Variants in CHD9 observed in about 807,000 individuals in gnomAD.
CHD9 encodes ATP-dependent chromatin remodeler CHD9.
Under a neutral mutation model 316.1 loss-of-function variants are expected in CHD9, and 77 were observed. That is an observed-to-expected ratio of 0.24 (90% CI 0.20 to 0.29). The LOEUF is 0.29. Among genes scored for constraint, CHD9 ranks in the 10% least tolerant of loss-of-function variants. The pLI is 1.00. For synonymous variants in CHD9, 1,129 were observed against 1,158.3 expected (o/e 0.97, Z 0.51); for missense variants, 2,763 against 3,438.1 (o/e 0.80, Z 4.91).
At chr16:53,222,522 A>G in intron 3 of CHD9, 122 bp from the exon 4 acceptor site, 2 of 596,750 alleles carry the variant, frequency 3.4e-6, no homozygotes, top group Non-Finnish European at 6.1e-6. Context: ...GATGATTATC[A>G]TCCTTGGTTG....
In CHD9 at chr16:53,091,001, A is replaced by ACC. The variant is rs5816887; in HGVS notation, c.-165+35932_-165+35933dup. 6.8e-3 allele frequency among the ~76,000 whole-genome samples: 1,004 copies of ACC among 147,076 alleles called. 5 individuals carry two copies. The highest frequency in any genetic ancestry group is 0.01 in the Non-Finnish European group (690 of 66,146). On this transcript the variant is annotated intron_variant, in intron 1 of 38. Coordinates refer to ENST00000447540, the MANE Select transcript of CHD9 (RefSeq NM_001308319.2). Reference sequence around the variant, plus strand: ...GTGGTGTGGAGGATGGGAACAGCTCACCCCCCCCCGACTGACCGCGGTGAG... The same window carrying ACC: ...GTGGTGTGGAGGATGGGAACAGCTCACCCCCCCCCCCGACTGACCGCGGTGAG...
intron 1 of CHD9, among the ~76,000 whole-genome samples, chr16:53,072,041 C>G (rs1224804522): frequency 6.6e-6 from 1 of 152,158 alleles, no homozygotes; most frequent in African/African-American, 2.4e-5. Flanking sequence ...CATGCACACC[C>G]ACCTCTGTAT....
intron 22 of CHD9, among the ~76,000 whole-genome samples, chr16:53,268,715 G>T (rs893949105): frequency 2.0e-5 from 3 of 152,102 alleles, no homozygotes; most frequent in African/African-American, 7.2e-5. Flanking sequence ...ATAAGAATCT[G>T]CATTTTAACA....
At chr16:53,108,347 C>CA (rs2037536205) in intron 1 of CHD9, among the ~76,000 whole-genome samples, 1 of 131,458 alleles carries the variant, frequency 7.6e-6, no homozygotes, top group Non-Finnish European at 1.8e-5. Flanking sequence ...ACAAAAAATA[C>CA]AAAAAAATTT....
intron 2 of CHD9, among the ~76,000 whole-genome samples, chr16:53,164,413 A>G (rs913875426): frequency 6.6e-6 from 1 of 151,954 alleles, no homozygotes; most frequent in Non-Finnish European, 1.5e-5. Flanking sequence ...TGACTGTACA[A>G]ATATATATTT....
intron 1 of CHD9, among the ~76,000 whole-genome samples, chr16:53,081,939 A>T (rs778201165): frequency 1.8e-4 from 27 of 152,310 alleles, no homozygotes; most frequent in Admixed American, 9.2e-4. Flanking sequence ...AACAATATTT[A>T]AAAAAGTCTA....
chr16:53,107,459 C>CAAAAT (rs56705665), intron 1 of CHD9, among the ~76,000 whole-genome samples: 43,859 of 128,982 alleles, frequency 0.34, 8,534 homozygotes, highest in East Asian at 0.59. Flanking sequence ...CACTCCATCT[C>CAAAAT]AAAATAAAAT....
In CHD9 at chr16:53,249,945, C is replaced by G. The variant is rs761610127; in HGVS notation, c.3740C>G (p.Pro1247Arg). 3 of 1,613,688 alleles carry G rather than the reference C, an allele frequency of 1.9e-6. No individual in the cohort carries two copies. The highest frequency in any genetic ancestry group is 1.1e-5 in the South Asian group (1 of 91,084). ...GCTGCTATAGATAGATTTAGTAAAC[C>G]TGATTCAGATAGATTTGTTTTTCTC... ...RQAAIDRFSK[P>R]DSDRFVFLLC... The change falls in exon 17 of 39, where the codon CCT becomes CGT. Residue 1247 changes from proline to arginine, a missense_variant. Transcript: ENST00000447540.
intron 24 of CHD9, among the ~76,000 whole-genome samples, chr16:53,278,612 A>C (rs2153026597): frequency 6.6e-6 from 1 of 152,282 alleles, no homozygotes; most frequent in South Asian, 2.1e-4. Context: ...CAATCTACTT[A>C]TCTGACAAAG....
At position 53,181,864 on chromosome 16, in the gene CHD9, A is replaced by G. The variant is rs372087221; in HGVS notation, c.1452+24323A>G. Among the ~76,000 whole-genome samples the G allele has an allele frequency of 7.2e-5, 11 of 152,244 alleles. No homozygotes were observed. The South Asian group carries it at 1.7e-3, about 23-fold the overall frequency. On this transcript the variant is annotated intron_variant, in intron 2 of 38. Transcript: ENST00000447540. The stretch of plus-strand genomic sequence containing the variant: ...GGAGGCCGAGCTGGGCGAATCACCT[A>G]GGGTCAAGAGTTTGAGACCAGCCTG...
intron 2 of CHD9, among the ~76,000 whole-genome samples, chr16:53,170,117 C>A (rs1256531927): frequency 6.7e-6 from 1 of 150,184 alleles, no homozygotes; most frequent in Non-Finnish European, 1.5e-5. Flanking sequence ...CACATTAAGA[C>A]ACATGATATT....
intron 24 of CHD9, among the ~76,000 whole-genome samples, chr16:53,281,554 C>CA (rs2053417696): frequency 6.6e-6 from 1 of 152,120 alleles, no homozygotes; most frequent in Non-Finnish European, 1.5e-5. Context: ...ATTTCTAAAG[C>CA]AAAAATCAGG....
chr16:53,101,273 CT>C (rs1012377760), intron 1 of CHD9, among the ~76,000 whole-genome samples: 199 of 124,866 alleles, frequency 1.6e-3, no homozygotes, highest in South Asian at 2.3e-3. Flanking sequence ...TTTTCCTTTT[CT>C]TTTTTTTTTT....
chr16:53,229,482 A>C (rs907813734), intron 8 of CHD9, among the ~76,000 whole-genome samples: 4 of 152,234 alleles, frequency 2.6e-5, no homozygotes, highest in African/African-American at 9.6e-5. Context: ...TTTCTATACT[A>C]GCTTCATGTA....
In CHD9 at chr16:53,304,555, TTCC is replaced by T. The variant is rs748852783; in HGVS notation, c.6564_6566del (p.Ser2193del). On this transcript the variant is annotated inframe_deletion, in exon 31 of 39. Coordinates refer to ENST00000447540, the MANE Select transcript of CHD9 (RefSeq NM_001308319.2). ...CTTCTTCATCCTCTTCCTCCACCTC[TTCC>T]TCCTCCTCCTCCTCTTCATCTTCAT... 444 of 1,538,372 alleles carry T rather than the reference TTCC, an allele frequency of 2.9e-4. No individual in the cohort carries two copies. Among genetic ancestry groups the T allele is most frequent in the Middle Eastern group, 8.3e-4 (5 of 5,996 alleles).
Position 53,267,293 on chromosome 16 carries a change from GA to G in CHD9, c.4322del (p.Asn1441ThrfsTer63). 6.3e-7 allele frequency: 1 copy of G among 1,598,776 alleles called. No individual in the cohort carries two copies. The highest frequency in any genetic ancestry group is 8.5e-7 in the Non-Finnish European group (1 of 1,172,094). On this transcript the variant is annotated frameshift_variant and splice_region_variant, in exon 21 of 39. Coordinates refer to ENST00000447540, the MANE Select transcript of CHD9 (RefSeq NM_001308319.2). LOFTEE classifies it high-confidence loss of function. ...EIDIEAISGR[N>X]SLVIDTPRIR... ...CAGGTAATAGCAGTTCTGTTTTACA[GA>G]ACAGCTTGGTTATTGACACTCCAAG... is the stretch of plus-strand genomic sequence containing the variant.
intron 1 of CHD9, among the ~76,000 whole-genome samples, chr16:53,139,374 A>C (rs2039939054): frequency 6.6e-6 from 1 of 152,228 alleles, no homozygotes; most frequent in Non-Finnish European, 1.5e-5. Flanking sequence ...TGTATTAATA[A>C]GGTGCTAATC....
chr16:53,166,859 A>G lies in CHD9; in HGVS notation c.1452+9318A>G, dbSNP rs555626715. 5.3e-5 allele frequency among the ~76,000 whole-genome samples: 8 copies of G among 152,282 alleles called. No individual in the cohort carries two copies. In the East Asian group the frequency reaches 9.6e-4, roughly 18 times the overall value. ...AATCTTTGAGAGCTGTTTTTCCTAC[A>G]TAAGTATGTGTTTGTATGCCTGAAA... On this transcript the variant is annotated intron_variant, in intron 2 of 38. Transcript: ENST00000447540.
chr16:53,073,474 T>C (rs1323064389), intron 1 of CHD9, among the ~76,000 whole-genome samples: 1 of 152,234 alleles, frequency 6.6e-6, no homozygotes, highest in African/African-American at 2.4e-5. Flanking sequence ...GAGACTCTGT[T>C]TTCAATATTT....
Sources: gnomAD v4.1 joint callset for allele counts (sites outside exome capture counted in the v4.1 genomes callset) on GRCh38, gnomAD v4.1.1 for gene constraint, MANE v1.5 for transcripts, NCBI Gene and HGNC (gene_info 2026-07-23, HGNC 2026-07-21) for gene names.